Variants in PUS10 observed in about 807,000 individuals in gnomAD.
PUS10 encodes tRNA pseudouridine synthase Pus10.
Under a neutral mutation model 75.0 loss-of-function variants are expected in PUS10, and 59 were observed. The ratio of observed to expected loss-of-function variants is 0.79; its 90% CI spans 0.64 to 0.98. PUS10 has a LOEUF of 0.98. Ranked by LOEUF, PUS10 falls within the 50% of genes least tolerant of loss-of-function variation. The pLI is 0.00. For synonymous variants in PUS10, 219 were observed against 211.6 expected (o/e 1.03, Z -0.30); for missense variants, 650 against 614.4 (o/e 1.06, Z -0.61).
chr2:60,978,392 A>AG (rs1022442995), intron 4 of PUS10, among the ~76,000 whole-genome samples: 70 of 148,482 alleles, frequency 4.7e-4, no homozygotes, highest in African/African-American at 1.8e-3. Flanking sequence ...ACTGTACTCC[A>AG]GCCTGGGCAA....
chr2:61,008,184 C>A (rs1231433791), intron 3 of PUS10, among the ~76,000 whole-genome samples: 1 of 151,916 alleles, frequency 6.6e-6, no homozygotes, highest in Non-Finnish European at 1.5e-5. Context: ...GCCAGGAGTT[C>A]AAGACCAGCA....
intron 6 of PUS10, 151 bp from the exon 7 acceptor site, chr2:60,965,635 A>G: frequency 1.7e-6 from 1 of 575,394 alleles, no homozygotes; most frequent in Non-Finnish European, 3.0e-6. Flanking sequence ...TCAACTTGTT[A>G]TCAGGGCAGC....
chr2:60,967,419 T>C (rs1413729832), intron 6 of PUS10, 83 bp downstream of exon 6: 3 of 916,372 alleles, frequency 3.3e-6, no homozygotes, highest in East Asian at 2.7e-5. Context: ...AGAAGTTTTT[T>C]TGGCTAACCA....
chr2:60,960,543 T>G (rs1675964246), intron 10 of PUS10, 26 bp from the exon 11 acceptor site: 1 of 1,552,658 alleles, frequency 6.4e-7, no homozygotes, highest in East Asian at 2.4e-5. Context: ...TCAGATAGCC[T>G]GGATGGAATG....
intron 4 of PUS10, among the ~76,000 whole-genome samples, chr2:61,003,585 C>A (rs1678999791): frequency 6.6e-6 from 1 of 150,978 alleles, no homozygotes. Flanking sequence ...TGCCCTGTCA[C>A]CCAGGCTAGA....
intron 11 of PUS10, among the ~76,000 whole-genome samples, chr2:60,957,948 T>A (rs1675784867): frequency 6.6e-6 from 1 of 152,274 alleles, no homozygotes; most frequent in Admixed American, 6.5e-5. Flanking sequence ...ATCACTCACA[T>A]GAACTTTTGC....
chr2:60,973,128 T>A (rs1322432444), intron 4 of PUS10, among the ~76,000 whole-genome samples: 1 of 152,168 alleles, frequency 6.6e-6, no homozygotes, highest in Admixed American at 6.5e-5. Context: ...AAAGCCTCCG[T>A]CCCGGCCTCA....
chr2:61,018,011 T>C lies in PUS10; in HGVS notation c.-19A>G. On this transcript the variant is annotated 5_prime_UTR_variant, in exon 1 of 18. Transcript: ENST00000316752. ...GAGGTGGAGCTGGGGCGCTTACCAG[T>C]GGGGACTTTAGTGTCTCACAGCTGT... 7.3e-7 allele frequency: 1 copy of C among 1,363,944 alleles called. No individual in the cohort carries two copies. The allele number at this position is 1,363,944 out of a possible 1,614,324, so 84.5% of individuals were successfully genotyped here.
intron 4 of PUS10, among the ~76,000 whole-genome samples, chr2:60,993,522 T>C (rs1186081454): frequency 6.6e-6 from 1 of 151,842 alleles, no homozygotes; most frequent in Non-Finnish European, 1.5e-5. Context: ...TAAGAAAAAC[T>C]GGATAACTTT....
At chr2:60,960,595 T>C in intron 10 of PUS10, 78 bp from the exon 11 acceptor site, 1 of 1,322,084 alleles carries the variant, frequency 7.6e-7, no homozygotes, top group Non-Finnish European at 1.0e-6. Context: ...GCAACAACTA[T>C]AAGGGCCAAT....
At chr2:60,984,023 A>G (rs1157322165) in intron 4 of PUS10, among the ~76,000 whole-genome samples, 1 of 152,120 alleles carries the variant, frequency 6.6e-6, no homozygotes, top group Admixed American at 6.5e-5. Context: ...ATCAAAAATA[A>G]AAAACATTTA....
chr2:60,963,633 A>AC (rs1255975162), intron 8 of PUS10, among the ~76,000 whole-genome samples: 1 of 152,202 alleles, frequency 6.6e-6, no homozygotes, highest in East Asian at 1.9e-4. Flanking sequence ...ACAGTATATC[A>AC]CCAAAGGAAT....
chr2:60,988,864 A>C (rs1677893205), intron 4 of PUS10, among the ~76,000 whole-genome samples: 1 of 150,610 alleles, frequency 6.6e-6, no homozygotes, highest in African/African-American at 2.4e-5. Flanking sequence ...CTGGTCTCAA[A>C]CTCCTGACCT....
intron 4 of PUS10, among the ~76,000 whole-genome samples, chr2:60,995,727 T>C (rs1201179639): frequency 1.3e-5 from 2 of 152,234 alleles, no homozygotes; most frequent in Admixed American, 1.3e-4. Flanking sequence ...TTTCATCTTG[T>C]ATTTTTTTTT....
chr2:60,994,394 A>AT (rs1678316254), intron 4 of PUS10, among the ~76,000 whole-genome samples: 2 of 151,928 alleles, frequency 1.3e-5, no homozygotes, highest in Admixed American at 6.6e-5. Flanking sequence ...CAAAAAAAAA[A>AT]AAGGAAGTCA....
intron 16 of PUS10, among the ~76,000 whole-genome samples, chr2:60,947,523 A>G (rs949057018): frequency 2.0e-5 from 3 of 152,216 alleles, no homozygotes; most frequent in African/African-American, 7.2e-5. Flanking sequence ...CTCAGGGTTT[A>G]GAATCATTTT....
Position 60,942,339 on chromosome 2 carries a change from C to T in PUS10, c.*56G>A, listed in dbSNP as rs1042173446. 3.5e-6 allele frequency: 5 copies of T among 1,444,910 alleles called. No individual in the cohort carries two copies. The African/African-American group carries it at 4.2e-5, about 12-fold the overall frequency. 89.5% of individuals were successfully genotyped at this position (1,444,910 alleles called of 1,614,324 possible). Reference sequence around the variant, plus strand: ...AACAGCCATTTTACGGCATGTGCTCCATGGATGTCCACATCATGCCAGGAA... The same window carrying T: ...AACAGCCATTTTACGGCATGTGCTCTATGGATGTCCACATCATGCCAGGAA... On this transcript the variant is annotated 3_prime_UTR_variant, in exon 18 of 18. Coordinates refer to ENST00000316752, the MANE Select transcript of PUS10 (RefSeq NM_144709.4).
At chr2:60,965,321 GTTC>G in intron 7 of PUS10, 99 bp downstream of exon 7, 1 of 1,071,440 alleles carries the variant, frequency 9.3e-7, no homozygotes, top group East Asian at 2.4e-5. Context: ...GACATAACAA[GTTC>G]TTCTCTTTCT....
At chr2:60,986,673 T>TA (rs1360424790) in intron 4 of PUS10, among the ~76,000 whole-genome samples, 1 of 152,240 alleles carries the variant, frequency 6.6e-6, no homozygotes, top group Non-Finnish European at 1.5e-5. Flanking sequence ...CTTTCCAATA[T>TA]AAACAGTTAA....
Sources: allele counts gnomAD v4.1 joint callset (sites outside exome capture counted in the v4.1 genomes callset), GRCh38; gene constraint gnomAD v4.1.1; transcripts MANE v1.5; gene names NCBI Gene and HGNC (gene_info 2026-07-23, HGNC 2026-07-21).